Variants in COL23A1 observed in about 807,000 individuals in gnomAD.
COL23A1 encodes collagen alpha-1(XXIII) chain.
A neutral mutation model predicts 99.3 loss-of-function variants in COL23A1; 97 were observed. The observed-to-expected ratio is 0.98, with a 90% CI of 0.83 to 1.16. COL23A1 has a LOEUF of 1.16. COL23A1 is among the 50% of genes most tolerant of loss of function. The pLI is 0.00. For synonymous variants in COL23A1, 320 were observed against 308.2 expected (o/e 1.04, Z -0.40); for missense variants, 762 against 757.4 (o/e 1.01, Z -0.07).
At chr5:178,484,296 T>A (rs756487772) in intron 2 of COL23A1, among the ~76,000 whole-genome samples, 3 of 152,196 alleles carry the variant, frequency 2.0e-5, no homozygotes, top group Non-Finnish European at 4.4e-5. Context: ...CTATTAAAAA[T>A]TAAGCAAGGC....
At chr5:178,571,452 T>A (rs1445989580) in intron 1 of COL23A1, among the ~76,000 whole-genome samples, 1 of 152,114 alleles carries the variant, frequency 6.6e-6, no homozygotes, top group African/African-American at 2.4e-5. Flanking sequence ...GAATTAACCC[T>A]AGGGCCTAGG....
intron 2 of COL23A1, among the ~76,000 whole-genome samples, chr5:178,401,768 C>T (rs1463275708): frequency 1.3e-5 from 2 of 152,270 alleles, no homozygotes; most frequent in Non-Finnish European, 1.5e-5. Context: ...TATATGAGAG[C>T]TCTGGTTGCT....
At chr5:178,385,406 C>T (rs1763619323) in intron 2 of COL23A1, among the ~76,000 whole-genome samples, 2 of 152,176 alleles carry the variant, frequency 1.3e-5, no homozygotes, top group Non-Finnish European at 2.9e-5. Context: ...AAGCAAATGG[C>T]CAAAAATGGA....
At chr5:178,576,847 C>T (rs1256301768) in intron 1 of COL23A1, among the ~76,000 whole-genome samples, 1 of 151,906 alleles carries the variant, frequency 6.6e-6, no homozygotes, top group African/African-American at 2.4e-5. Flanking sequence ...CAGCGCCGCC[C>T]CTCCCCCTGC....
intron 2 of COL23A1, among the ~76,000 whole-genome samples, chr5:178,402,248 AG>A (rs769592067): frequency 1.3e-5 from 2 of 152,166 alleles, no homozygotes; most frequent in East Asian, 1.9e-4. Context: ...CCTAGCTCCT[AG>A]GGAGGCTGAG....
intron 3 of COL23A1, among the ~76,000 whole-genome samples, chr5:178,292,685 G>C (rs1283071816): frequency 6.6e-6 from 1 of 152,158 alleles, no homozygotes; most frequent in Non-Finnish European, 1.5e-5. Context: ...CAGTGGAAGT[G>C]GTGGACGTGG....
At position 178,387,701 on chromosome 5, in the gene COL23A1, C is replaced by T. The variant is rs1358398502; in HGVS notation, c.362-80782G>A. 6.6e-6 allele frequency among the ~76,000 whole-genome samples: 1 copy of T among 152,194 alleles called. No homozygotes were observed. The highest frequency in any genetic ancestry group is 1.9e-4 in the East Asian group (1 of 5,200). ...TCAAAGAACACACTCAGTAAATACA[C>T]GCTGAGCTAATGAATGAACGAACGA... On this transcript the variant is annotated intron_variant, in intron 2 of 28. Coordinates refer to ENST00000390654, the MANE Select transcript of COL23A1 (RefSeq NM_173465.4). This position sits in a 1 kb window ranked among gnomAD's most constrained non-coding sequence, Gnocchi z 4.7.
intron 2 of COL23A1, among the ~76,000 whole-genome samples, chr5:178,530,022 C>T (rs1022138153): frequency 4.6e-5 from 7 of 152,212 alleles, no homozygotes; most frequent in Non-Finnish European, 8.8e-5. Flanking sequence ...AGTTTTTCTA[C>T]GGTCTTGCCC....
At chr5:178,393,547 TA>T (rs1040049611) in intron 2 of COL23A1, among the ~76,000 whole-genome samples, 1 of 152,094 alleles carries the variant, frequency 6.6e-6, no homozygotes, top group African/African-American at 2.4e-5. Context: ...TTTACTACAA[TA>T]AAAAAATTTC....
At chr5:178,469,044 G>A (rs1271319606) in intron 2 of COL23A1, among the ~76,000 whole-genome samples, 1 of 152,166 alleles carries the variant, frequency 6.6e-6, no homozygotes, top group Non-Finnish European at 1.5e-5. Context: ...TCAGCACCAT[G>A]TCCTCAAGGT....
chr5:178,356,971 C>T (rs528884632), intron 2 of COL23A1, among the ~76,000 whole-genome samples: 15 of 152,346 alleles, frequency 9.8e-5, no homozygotes, highest in South Asian at 2.1e-4. Context: ...CAAAGCCTGA[C>T]GCTCGTGGAT....
At chr5:178,541,851 T>TA (rs1396933768) in intron 2 of COL23A1, among the ~76,000 whole-genome samples, 1 of 152,188 alleles carries the variant, frequency 6.6e-6, no homozygotes. Context: ...CACGTGCTTC[T>TA]ATATGAAGTT....
chr5:178,470,328 G>C (rs1032563023), intron 2 of COL23A1, among the ~76,000 whole-genome samples: 1 of 152,172 alleles, frequency 6.6e-6, no homozygotes, highest in Non-Finnish European at 1.5e-5. Flanking sequence ...CCTTAGCCAG[G>C]AGCCAGTGTC....
intron 1 of COL23A1, among the ~76,000 whole-genome samples, chr5:178,576,825 G>A (rs928138668): frequency 6.6e-6 from 1 of 151,840 alleles, no homozygotes; most frequent in Admixed American, 6.6e-5. Flanking sequence ...CCTCCAGCGC[G>A]GGCCTCTCGG....
At chr5:178,326,203 T>C (rs544988406) in intron 2 of COL23A1, among the ~76,000 whole-genome samples, 1 of 152,312 alleles carries the variant, frequency 6.6e-6, no homozygotes, top group South Asian at 2.1e-4. Flanking sequence ...GCACACGTGC[T>C]CGCGGCAAGC....
intron 2 of COL23A1, among the ~76,000 whole-genome samples, chr5:178,392,243 G>A (rs1035749420): frequency 2.6e-5 from 4 of 151,796 alleles, no homozygotes; most frequent in African/African-American, 9.7e-5. Flanking sequence ...TGTATAGTGA[G>A]TTATATCCTA....
intron 2 of COL23A1, among the ~76,000 whole-genome samples, chr5:178,418,437 T>A (rs1170049419): frequency 6.6e-6 from 1 of 152,196 alleles, no homozygotes; most frequent in East Asian, 1.9e-4. Context: ...GATTCTGTTG[T>A]CCCCTTAGCA....
chr5:178,372,657 C>T (rs910432809), intron 2 of COL23A1, among the ~76,000 whole-genome samples: 4 of 152,154 alleles, frequency 2.6e-5, no homozygotes, highest in African/African-American at 7.2e-5. Flanking sequence ...ATTGCAGCCT[C>T]GACCTCCCAG....
intron 9 of COL23A1, 89 bp downstream of exon 9, chr5:178,263,119 A>AGATGGG (rs1431424275): frequency 7.4e-6 from 7 of 942,378 alleles, no homozygotes; most frequent in South Asian, 1.3e-5. Context: ...TCTGCACTAG[A>AGATGGG]GATGGGGATG....
Sources: gnomAD v4.1 joint callset for allele counts (sites outside exome capture counted in the v4.1 genomes callset) on GRCh38, gnomAD v4.1.1 for gene constraint, Gnocchi (gnomAD v3.1) non-coding constraint, MANE v1.5 for transcripts, NCBI Gene and HGNC (gene_info 2026-07-23, HGNC 2026-07-21) for gene names.